The following CSMD1 variants were observed in gnomAD, a reference collection of about 807,000 sequenced individuals.
CSMD1 encodes the protein CUB and sushi domain-containing protein 1.
CSMD1 carries 213 observed loss-of-function variants against 417.5 expected under a neutral mutation model. The observed-to-expected ratio is 0.51, with a 90% CI of 0.46 to 0.57. The LOEUF is 0.57. Ranked by LOEUF, CSMD1 falls within the 20% of genes least tolerant of loss-of-function variation. The probability of loss-of-function intolerance (pLI) is 0.00; values close to 1 mark genes in which losing one functional copy is unlikely to be tolerated. For missense variants in CSMD1, 6,923 were observed against 4,529.7 expected (o/e 1.53, Z -15.17); for synonymous variants, 2,862 against 1,736.8 (o/e 1.65, Z -16.11).
chr8:3,938,977 G>C (rs1053662159), intron 5 of CSMD1, among the ~76,000 whole-genome samples: 27 of 152,254 alleles, frequency 1.8e-4, no homozygotes, highest in African/African-American at 5.8e-4. Context: ...CAGGGAGTAT[G>C]AGAGTGTGGA....
intron 3 of CSMD1, among the ~76,000 whole-genome samples, chr8:4,373,412 C>A (rs1802519651): frequency 6.6e-6 from 1 of 152,176 alleles, no homozygotes; most frequent in Admixed American, 6.5e-5. Context: ...ATGTTAACAA[C>A]AGAGGAGACA....
At chr8:4,760,164 G>A (rs888674223) in intron 1 of CSMD1, among the ~76,000 whole-genome samples, 1 of 152,164 alleles carries the variant, frequency 6.6e-6, no homozygotes, top group Non-Finnish European at 1.5e-5. Flanking sequence ...AATAGTCATA[G>A]GCTGCAACAT....
At chr8:3,973,111 T>C (rs184150082) in intron 5 of CSMD1, among the ~76,000 whole-genome samples, 131 of 152,372 alleles carry the variant, frequency 8.6e-4, no homozygotes, top group South Asian at 3.5e-3. Flanking sequence ...GCCTGCTTTC[T>C]TGACAGTTGG....
intron 5 of CSMD1, among the ~76,000 whole-genome samples, chr8:3,847,742 G>A (rs1408306133): frequency 6.6e-6 from 1 of 152,084 alleles, no homozygotes; most frequent in African/African-American, 2.4e-5. Context: ...CCCTGACACT[G>A]CAGTTCCAGC....
intron 10 of CSMD1, among the ~76,000 whole-genome samples, chr8:3,551,578 G>GTATATATATA (rs55961739): frequency 6.5e-4 from 77 of 117,662 alleles, no homozygotes; most frequent in South Asian, 8.6e-4. Context: ...TAATAAATAT[G>GTATATATATA]TATATATATA....
At chr8:3,246,661 G>A (rs1216456402) in intron 26 of CSMD1, among the ~76,000 whole-genome samples, 6 of 152,120 alleles carry the variant, frequency 3.9e-5, no homozygotes, top group Admixed American at 3.3e-4. Flanking sequence ...TGAAAGAGAC[G>A]GGGTTTTGCC....
chr8:4,597,461 G>T (rs1210979981), intron 2 of CSMD1, among the ~76,000 whole-genome samples: 1 of 152,024 alleles, frequency 6.6e-6, no homozygotes, highest in Non-Finnish European at 1.5e-5. Flanking sequence ...GCTTTGAATT[G>T]AGTTTCATCT....
rs114132280 is a variant in CSMD1 at position 2,988,371 on chromosome 8, C to A, written c.8378-9571G>T. On this transcript the variant is annotated intron_variant, in intron 54 of 69. Coordinates refer to ENST00000635120, the MANE Select transcript of CSMD1 (RefSeq NM_033225.6). ...TATGAAAGAAAAGAAAAAACAATAT[C>A]TTAATGTTTGCATGCAATACACAAA... Among the ~76,000 whole-genome samples the A allele has an allele frequency of 2.4e-3, 371 of 152,240 alleles. 6 individuals are homozygous for A. Among genetic ancestry groups the A allele is most frequent in the Middle Eastern group, 0.014 (4 of 294 alleles).
At chr8:3,215,508 G>C (rs2116823634) in intron 29 of CSMD1, among the ~76,000 whole-genome samples, 1 of 152,330 alleles carries the variant, frequency 6.6e-6, no homozygotes, top group Admixed American at 6.5e-5. Context: ...CTCAAGGAAA[G>C]TTAAGTCACT....
intron 1 of CSMD1, among the ~76,000 whole-genome samples, chr8:4,985,525 T>A (rs1381971607): frequency 6.6e-6 from 1 of 152,178 alleles, no homozygotes; most frequent in Non-Finnish European, 1.5e-5. Context: ...GTCTTCCCAA[T>A]TCTCTTCCTA....
At chr8:3,646,521 T>C (rs778523029) in intron 7 of CSMD1, among the ~76,000 whole-genome samples, 9 of 152,280 alleles carry the variant, frequency 5.9e-5, no homozygotes, top group Admixed American at 1.3e-4. Flanking sequence ...GTGTCATCTG[T>C]AGCATTCCAA....
At chr8:4,414,676 A>G (rs1796829958) in intron 3 of CSMD1, among the ~76,000 whole-genome samples, 2 of 152,126 alleles carry the variant, frequency 1.3e-5, no homozygotes, top group Admixed American at 6.5e-5. Context: ...ACCAATACTT[A>G]CTGGCAGTTT....
chr8:3,527,197 T>C (rs1797788611), intron 10 of CSMD1, among the ~76,000 whole-genome samples: 1 of 152,194 alleles, frequency 6.6e-6, no homozygotes. Flanking sequence ...AAAACACTAT[T>C]ATTTTTATTT....
chr8:2,943,380 G>A (rs1055565081), intron 68 of CSMD1, among the ~76,000 whole-genome samples: 4 of 151,922 alleles, frequency 2.6e-5, no homozygotes, highest in South Asian at 2.1e-4. Flanking sequence ...GGTGCCTGCC[G>A]CCATGCCTGG....
At chr8:4,923,209 A>G (rs546928593) in intron 1 of CSMD1, among the ~76,000 whole-genome samples, 3 of 152,200 alleles carry the variant, frequency 2.0e-5, no homozygotes, top group Non-Finnish European at 4.4e-5. Context: ...ATAGTTACAT[A>G]ATAGTAGACA....
At chr8:3,500,742 T>G (rs990879577) in intron 10 of CSMD1, among the ~76,000 whole-genome samples, 1 of 152,044 alleles carries the variant, frequency 6.6e-6, no homozygotes, top group African/African-American at 2.4e-5. Flanking sequence ...CTTGACTGGA[T>G]GGAGGACATG....
intron 23 of CSMD1, among the ~76,000 whole-genome samples, chr8:3,328,241 C>T (rs1369769734): frequency 6.6e-6 from 1 of 152,162 alleles, no homozygotes; most frequent in Non-Finnish European, 1.5e-5. Flanking sequence ...TGCCTGTGTC[C>T]TACATTCCTG....
intron 25 of CSMD1, among the ~76,000 whole-genome samples, chr8:3,302,396 T>C (rs1238543469): frequency 6.6e-6 from 1 of 152,206 alleles, no homozygotes; most frequent in Non-Finnish European, 1.5e-5. Context: ...CCTGGCTGCC[T>C]ATCTAAGGTC....
intron 2 of CSMD1, among the ~76,000 whole-genome samples, chr8:4,585,734 G>T (rs1012888920): frequency 6.6e-6 from 1 of 152,110 alleles, no homozygotes; most frequent in Non-Finnish European, 1.5e-5. Flanking sequence ...ATAAAATGAT[G>T]ACCAACATAG....
Sources: allele counts gnomAD v4.1 joint callset (sites outside exome capture counted in the v4.1 genomes callset), GRCh38; gene constraint gnomAD v4.1.1; transcripts MANE v1.5; gene names NCBI Gene and HGNC (gene_info 2026-07-23, HGNC 2026-07-21).